The following SLC35F3 variants were observed in gnomAD, a reference collection of about 807,000 sequenced individuals.
SLC35F3 encodes solute carrier family 35 member F3.
A neutral mutation model predicts 49.9 loss-of-function variants in SLC35F3; 25 were observed. The ratio of observed to expected loss-of-function variants is 0.50; its 90% confidence interval spans 0.37 to 0.70. The LOEUF (loss-of-function observed/expected upper bound fraction) is 0.70, where lower values mean the gene tolerates loss of function less well. SLC35F3 is among the 30% of genes least tolerant of loss of function. SLC35F3 has a pLI of 0.00. For missense variants in SLC35F3, 525 were observed against 639.8 expected (o/e 0.82, Z 1.94); for synonymous variants, 275 against 265.4 (o/e 1.04, Z -0.35).
At chr1:233,966,769 G>T (rs1024796836) in intron 2 of SLC35F3, among the ~76,000 whole-genome samples, 1 of 152,150 alleles carries the variant, frequency 6.6e-6, no homozygotes, top group Non-Finnish European at 1.5e-5. Context: ...TTCTGCAAAG[G>T]ATCAAATACA....
chr1:234,308,228 T>C (rs646610), intron 3 of SLC35F3, among the ~76,000 whole-genome samples: 120,263 of 152,112 alleles, frequency 0.79, 48,231 homozygotes, highest in African/African-American at 0.93. Flanking sequence ...TAACACTATT[T>C]GTATCATAGC....
At chr1:234,233,255 A>C (rs1572106951) in intron 3 of SLC35F3, among the ~76,000 whole-genome samples, 2 of 152,366 alleles carry the variant, frequency 1.3e-5, no homozygotes, top group Middle Eastern at 6.8e-3. Flanking sequence ...AGTATCCCTA[A>C]GTGTATTTAA....
intron 2 of SLC35F3, among the ~76,000 whole-genome samples, chr1:233,920,977 C>A (rs1203770684): frequency 2.6e-5 from 4 of 152,232 alleles, no homozygotes; most frequent in Admixed American, 1.3e-4. Context: ...TTGTGATACC[C>A]TAAACAGAGG....
chr1:234,311,318 G>A (rs528000531), intron 4 of SLC35F3, among the ~76,000 whole-genome samples: 1 of 152,354 alleles, frequency 6.6e-6, no homozygotes, highest in South Asian at 2.1e-4. Context: ...TGGAGATTTA[G>A]TTCCAAGATA....
chr1:233,939,288 C>CA (rs367635730), intron 2 of SLC35F3, among the ~76,000 whole-genome samples: 3 of 151,712 alleles, frequency 2.0e-5, no homozygotes, highest in Admixed American at 6.6e-5. Context: ...CCTGTCTGTG[C>CA]AAAAAAAATT....
At chr1:234,290,615 T>C (rs1016779396) in intron 3 of SLC35F3, among the ~76,000 whole-genome samples, 1 of 152,214 alleles carries the variant, frequency 6.6e-6, no homozygotes, top group African/African-American at 2.4e-5. Flanking sequence ...TCCTACTCCA[T>C]TTCCGTCCCC....
chr1:234,101,761 T>C (rs1264953978), intron 2 of SLC35F3, among the ~76,000 whole-genome samples: 2 of 152,236 alleles, frequency 1.3e-5, no homozygotes, highest in Middle Eastern at 3.2e-3. Context: ...CTTGACACAT[T>C]CTTAGGACAG....
At chr1:234,045,096 C>T (rs1664270399) in intron 2 of SLC35F3, among the ~76,000 whole-genome samples, 1 of 152,202 alleles carries the variant, frequency 6.6e-6, no homozygotes, top group South Asian at 2.1e-4. Context: ...TTAAATAGCA[C>T]CTGTCAGTAG....
chr1:234,242,276 C>T (rs1237084093), intron 3 of SLC35F3, among the ~76,000 whole-genome samples: 1 of 152,208 alleles, frequency 6.6e-6, no homozygotes, highest in African/African-American at 2.4e-5. Context: ...CATCTTGGGC[C>T]AGGCCTCCCT....
intron 3 of SLC35F3, among the ~76,000 whole-genome samples, chr1:234,275,618 C>T (rs1251277352): frequency 6.6e-6 from 1 of 151,884 alleles, no homozygotes; most frequent in African/African-American, 2.4e-5. Flanking sequence ...CACACACACA[C>T]AAACATACAC....
intron 2 of SLC35F3, among the ~76,000 whole-genome samples, chr1:234,229,569 T>C (rs1667336189): frequency 6.6e-6 from 1 of 152,272 alleles, no homozygotes; most frequent in Non-Finnish European, 1.5e-5. Flanking sequence ...TGCTGTGAGC[T>C]GAATTTATTC....
chr1:233,963,936 G>A (rs959651709), intron 2 of SLC35F3, among the ~76,000 whole-genome samples: 8 of 152,188 alleles, frequency 5.3e-5, no homozygotes, highest in African/African-American at 1.7e-4. Flanking sequence ...TGCACCTGGG[G>A]GGCCCATACC....
chr1:234,137,674 A>G (rs1251108359), intron 2 of SLC35F3, among the ~76,000 whole-genome samples: 1 of 152,198 alleles, frequency 6.6e-6, no homozygotes, highest in Non-Finnish European at 1.5e-5. Flanking sequence ...TGCTCAGGGA[A>G]GACTTGTGGA....
At chr1:234,288,625 C>G (rs1878544) in intron 3 of SLC35F3, among the ~76,000 whole-genome samples, 99,814 of 152,084 alleles carry the variant, frequency 0.66, 33,925 homozygotes, top group Non-Finnish European at 0.73. Context: ...AGGAGTTTCT[C>G]TCATGCCAGC....
chr1:234,192,330 G>A (rs1666743035), intron 2 of SLC35F3, among the ~76,000 whole-genome samples: 1 of 152,032 alleles, frequency 6.6e-6, no homozygotes, highest in Non-Finnish European at 1.5e-5. Flanking sequence ...ACCACATAAA[G>A]AGAATTAAAA....
intron 3 of SLC35F3, among the ~76,000 whole-genome samples, chr1:234,292,173 C>A (rs1668519981): frequency 6.6e-6 from 1 of 152,248 alleles, no homozygotes; most frequent in Non-Finnish European, 1.5e-5. Context: ...CAAGTTCTGG[C>A]AGCCCAGCAC....
chr1:233,960,289 G>C (rs547369733), intron 2 of SLC35F3, among the ~76,000 whole-genome samples: 26 of 152,278 alleles, frequency 1.7e-4, no homozygotes, highest in African/African-American at 5.8e-4. Flanking sequence ...CCCCTCACCT[G>C]TCACTTTGCC....
chr1:234,219,279 A>G (rs1023569089), intron 2 of SLC35F3, among the ~76,000 whole-genome samples: 3 of 152,160 alleles, frequency 2.0e-5, no homozygotes, highest in African/African-American at 7.2e-5. Context: ...TTAATAGTAT[A>G]TAAAGACCCA....
At chr1:234,178,017 AC>A (rs1187014359) in intron 2 of SLC35F3, among the ~76,000 whole-genome samples, 12 of 152,192 alleles carry the variant, frequency 7.9e-5, no homozygotes, top group African/African-American at 2.9e-4. Context: ...TCACACTGTA[AC>A]CCTTTCCAGA....
Sources: allele counts gnomAD v4.1 joint callset (sites outside exome capture counted in the v4.1 genomes callset), GRCh38; gene constraint gnomAD v4.1.1; transcripts MANE v1.5; gene names NCBI Gene and HGNC (gene_info 2026-07-23, HGNC 2026-07-21).